The following POU2F2 variants were observed in gnomAD, a reference collection of about 807,000 sequenced individuals.
The protein encoded by POU2F2 is POU domain, class 2, transcription factor 2.
A neutral mutation model predicts 63.5 loss-of-function variants in POU2F2; 14 were observed. The observed-to-expected ratio is 0.22, with a 90% CI of 0.15 to 0.34. The LOEUF (loss-of-function observed/expected upper bound fraction) is 0.34. Ranked by LOEUF, POU2F2 falls within the 10% of genes least tolerant of loss-of-function variation. The pLI is 1.00. For missense variants in POU2F2, 607 were observed against 815.2 expected, an observed-to-expected ratio of 0.74 and a Z score of 3.11; for synonymous variants, 306 against 348.6, an observed-to-expected ratio of 0.88 and a Z score of 1.36.
rs2076699883 is a variant in POU2F2, at chr19:42,091,190, C to T, written c.*67G>A. 4.9e-6 allele frequency: 7 copies of T among 1,434,332 alleles called. No individual in the cohort carries two copies. The highest frequency in any genetic ancestry group is 2.5e-5 in the East Asian group (1 of 40,026). The allele number at this position is 1,434,332 out of a possible 1,614,324, so 88.9% of individuals were successfully genotyped here. ...TCTGCGTCCCCACCACTGGCCTCCT[C>T]GCCCTCTTCCCAGGCAAGGGACCAA... On this transcript the variant is annotated 3_prime_UTR_variant, in exon 15 of 15. Transcript: ENST00000692977.
intron 5 of POU2F2, among the ~76,000 whole-genome samples, chr19:42,105,450 T>G (rs1189543688): frequency 6.6e-6 from 1 of 152,248 alleles, no homozygotes; most frequent in Non-Finnish European, 1.5e-5. Context: ...AGCATTTTTC[T>G]GATTTCCTAT....
chr19:42,182,535 A>G (rs2034973874), intron 1 of POU2F2, among the ~76,000 whole-genome samples: 1 of 152,170 alleles, frequency 6.6e-6, no homozygotes, highest in Non-Finnish European at 1.5e-5. Flanking sequence ...GGAAAGAAAT[A>G]AGAAACAGAC....
chr19:42,148,888 C>T (rs1269399043), intron 2 of POU2F2, among the ~76,000 whole-genome samples: 1 of 152,114 alleles, frequency 6.6e-6, no homozygotes, highest in Non-Finnish European at 1.5e-5. Flanking sequence ...TGGACCCAGG[C>T]GTCTTGAATC....
chr19:42,132,276 A>T (rs369765196), intron 1 of POU2F2, 108 bp downstream of exon 1: 5 of 1,295,068 alleles, frequency 3.9e-6, no homozygotes, highest in Non-Finnish European at 3.2e-6. Flanking sequence ...AGTACAGAGG[A>T]GAAGGACAAT....
chr19:42,124,182 T>G (rs1193753321), intron 1 of POU2F2, among the ~76,000 whole-genome samples: 1 of 151,752 alleles, frequency 6.6e-6, no homozygotes. Flanking sequence ...CACGCACCTG[T>G]AGTCCCAGCT....
intron 5 of POU2F2, among the ~76,000 whole-genome samples, chr19:42,108,440 T>G (rs1455901717): frequency 1.3e-4 from 20 of 152,030 alleles, no homozygotes; most frequent in Admixed American, 1.3e-3. Context: ...CCAGGCATGG[T>G]GGCACGTGCC....
chr19:42,171,236 C>T (rs2034758926), intron 1 of POU2F2, among the ~76,000 whole-genome samples: 1 of 152,124 alleles, frequency 6.6e-6, no homozygotes, highest in African/African-American at 2.4e-5. Context: ...TGGAAGTCCG[C>T]TTGTAGGTAT....
At chr19:42,112,370 T>C (rs2031242974) in intron 5 of POU2F2, among the ~76,000 whole-genome samples, 1 of 152,126 alleles carries the variant, frequency 6.6e-6, no homozygotes, top group Non-Finnish European at 1.5e-5. Context: ...GGACGTGTTT[T>C]TGTTTGTTTA....
chr19:42,126,434 C>A (rs2033203781), intron 1 of POU2F2, among the ~76,000 whole-genome samples: 2 of 148,586 alleles, frequency 1.3e-5, no homozygotes, highest in Admixed American at 1.3e-4. Context: ...CAGAGCAAGA[C>A]TCCATCTCAA....
intron 1 of POU2F2, among the ~76,000 whole-genome samples, chr19:42,187,292 C>T (rs918918307): frequency 1.3e-5 from 2 of 151,736 alleles, no homozygotes; most frequent in African/African-American, 2.4e-5. Context: ...GGCGAAACCC[C>T]GTCTCTACTA....
chr19:42,122,723 A>G, intron 1 of POU2F2, 147 bp from the exon 2 acceptor site: 1 of 717,118 alleles, frequency 1.4e-6, no homozygotes, highest in South Asian at 2.1e-5. Flanking sequence ...CCCAAGAGAC[A>G]TGTCCTCCGT....
At position 42,162,197 on chromosome 19, in the gene POU2F2, C is replaced by T. The variant is rs2034565489; in HGVS notation, c.-69-1805G>A. Among the ~76,000 whole-genome samples, 1 of 152,184 alleles carries T rather than the reference C, an allele frequency of 6.6e-6. No homozygotes were observed. On this transcript the variant is annotated intron_variant, in intron 1 of 6. Coordinates refer to the POU2F2 transcript ENST00000524801. This position sits in a 1 kb window ranked among gnomAD's most constrained non-coding sequence, Gnocchi z 4.1. ...GGGCCCACACTTGAGTCTCCCTGCCCTCTGCTACCTGGGGCTGTGGTGCCC... is the reference window on the plus strand; with the variant it reads ...GGGCCCACACTTGAGTCTCCCTGCCTTCTGCTACCTGGGGCTGTGGTGCCC...
At position 42,162,666 on chromosome 19, in the gene POU2F2, G is replaced by A. The variant is rs1393855811; in HGVS notation, c.-69-2274C>T. Among the ~76,000 whole-genome samples the A allele has an allele frequency of 6.6e-6, 1 of 152,182 alleles. No homozygotes were observed. The highest frequency in any genetic ancestry group is 1.9e-4 in the East Asian group (1 of 5,196). On this transcript the variant is annotated intron_variant, in intron 1 of 6. Transcript: ENST00000524801. This position sits in a 1 kb window ranked among gnomAD's most constrained non-coding sequence, Gnocchi z 4.1. ...CAGCCAGTGTATATAATGGTTTGCT[G>A]TGTCCTGGGGTCAGTTTGCCATGTA... is the stretch of plus-strand genomic sequence containing the variant.
intron 2 of POU2F2, among the ~76,000 whole-genome samples, chr19:42,137,933 A>G (rs1285892696): frequency 6.6e-6 from 1 of 152,248 alleles, no homozygotes; most frequent in East Asian, 1.9e-4. Flanking sequence ...AGGCCTATAG[A>G]GCTGGAGCAG....
chr19:42,124,769 G>A (rs544397154), intron 1 of POU2F2, among the ~76,000 whole-genome samples: 7 of 152,348 alleles, frequency 4.6e-5, no homozygotes, highest in Admixed American at 2.0e-4. Flanking sequence ...ACACATGGCC[G>A]AAGCTTGGAG....
intron 1 of POU2F2, among the ~76,000 whole-genome samples, chr19:42,172,728 T>G (rs2146803791): frequency 6.6e-6 from 1 of 152,218 alleles, no homozygotes. Flanking sequence ...CCATGCTCAT[T>G]TGCTGGCTCT....
In POU2F2 at chr19:42,117,268, C is replaced by T. The variant is rs773783594; in HGVS notation, c.351G>A (p.Thr117=). ...PHLPQAQLML[T]GSQLAGDIQQ... ...TACTTACCCCAGCTAGCTGGCTGCC[C>T]GTCAACATGAGTTGGGCCTGGGGCA... The change falls in exon 5 of 15, where the codon ACG becomes ACA. Residue 117 remains threonine (T), a synonymous_variant. Coordinates refer to ENST00000692977, the MANE Select transcript of POU2F2 (RefSeq NM_001394376.1). The surrounding 1 kb of genome is among the most constrained non-coding windows in gnomAD (Gnocchi z 4.4). 55 of 1,482,566 alleles carry T rather than the reference C, an allele frequency of 3.7e-5. 1 individual carries two copies. In the South Asian group the frequency reaches 6.3e-4, roughly 17 times the overall value. 91.8% of individuals were successfully genotyped at this position (1,482,566 alleles called of 1,614,324 possible).
intron 1 of POU2F2, among the ~76,000 whole-genome samples, chr19:42,184,990 C>A (rs2034998504): frequency 6.6e-6 from 1 of 152,126 alleles, no homozygotes; most frequent in Non-Finnish European, 1.5e-5. Flanking sequence ...GGTTCCCACT[C>A]CCCATGGTGA....
At chr19:42,148,480 C>T (rs933375393) in intron 2 of POU2F2, among the ~76,000 whole-genome samples, 1 of 152,162 alleles carries the variant, frequency 6.6e-6, no homozygotes, top group African/African-American at 2.4e-5. Flanking sequence ...CTCCCCTCCG[C>T]AAACCAGGTA....
Sources: allele counts gnomAD v4.1 joint callset (sites outside exome capture counted in the v4.1 genomes callset), GRCh38; gene constraint gnomAD v4.1.1; non-coding constraint Gnocchi (gnomAD v3.1); transcripts MANE v1.5; gene names NCBI Gene and HGNC (gene_info 2026-07-23, HGNC 2026-07-21).